Variants in ZNF341 observed in about 807,000 individuals in gnomAD.
The protein encoded by ZNF341 is zinc finger protein 341.
Under a neutral mutation model 87.7 loss-of-function variants are expected in ZNF341, and 52 were observed. That is an observed-to-expected ratio of 0.59 (90% CI 0.47 to 0.75). The LOEUF (loss-of-function observed/expected upper bound fraction) is 0.75. ZNF341 is among the 30% of genes least tolerant of loss of function. ZNF341 has a pLI of 0.00. For synonymous variants in ZNF341, 459 were observed against 472.7 expected, an observed-to-expected ratio of 0.97 and a Z score of 0.38; for missense variants, 977 against 1,145.9, an observed-to-expected ratio of 0.85 and a Z score of 2.13.
chr20:33,734,554 G>A (rs1311998613), intron 1 of ZNF341, among the ~76,000 whole-genome samples: 4 of 152,200 alleles, frequency 2.6e-5, no homozygotes, highest in Non-Finnish European at 5.9e-5. Flanking sequence ...GAAATGGGGA[G>A]TGGGGAGGGG....
At chr20:33,777,098 G>A (rs904084462) in intron 10 of ZNF341, among the ~76,000 whole-genome samples, 1 of 145,112 alleles carries the variant, frequency 6.9e-6, no homozygotes, top group South Asian at 2.2e-4. Flanking sequence ...CAGATTGCTT[G>A]AGCCCAGAAG....
chr20:33,757,318 TA>T lies in ZNF341; in HGVS notation c.915del (p.Gly306ValfsTer84). ...SPATLKTRRA[K>X]GARGLPEAAG... ...CAGCAACGCTGAAGACCCGACGAGC[TA>T]AAGGTGCCAGGGGACTCCCGGAAGG... is the stretch of plus-strand genomic sequence containing the variant. On this transcript the variant is annotated frameshift_variant, in exon 6 of 15. Coordinates refer to ENST00000375200, the MANE Select transcript of ZNF341 (RefSeq NM_001282933.2). LOFTEE classifies it high-confidence loss of function. 1 of 1,576,332 alleles carries T rather than the reference TA, an allele frequency of 6.3e-7. No homozygotes were observed. The highest frequency in any genetic ancestry group is 1.2e-5 in the South Asian group (1 of 86,212).
In ZNF341 at chr20:33,732,013, G is replaced by A. The variant is rs2018570873; in HGVS notation, c.-9G>A. 4 of 1,433,022 alleles carry A rather than the reference G, an allele frequency of 2.8e-6. No individual in the cohort carries two copies. Among genetic ancestry groups the A allele is most frequent in the East Asian group, 6.1e-5 (2 of 32,952 alleles). 88.8% of individuals were successfully genotyped at this position (1,433,022 alleles called of 1,614,324 possible). A position where few individuals can be genotyped will look rare whatever the true frequency, so the allele number is the denominator to read the frequency against. The stretch of plus-strand genomic sequence containing the variant: ...CGGTTCCTGTGGCGGCGACGGCGGC[G>A]GCTCCAAGATGGCGCAGGCGATCTT... On this transcript the variant is annotated 5_prime_UTR_variant, in exon 1 of 15. Coordinates refer to ENST00000375200, the MANE Select transcript of ZNF341 (RefSeq NM_001282933.2). This position sits in a 1 kb window ranked among gnomAD's most constrained non-coding sequence, Gnocchi z 4.5.
chr20:33,770,316 C>T (rs2019504071), intron 10 of ZNF341, 24 bp downstream of exon 10: 7 of 1,565,954 alleles, frequency 4.5e-6, no homozygotes, highest in Non-Finnish European at 6.1e-6. Flanking sequence ...GCTTCCCTCT[C>T]CCTGGGTGGA....
chr20:33,757,156 C>T lies in ZNF341; in HGVS notation c.750C>T (p.Asn250=). 2 of 1,435,602 alleles carry T rather than the reference C, an allele frequency of 1.4e-6. No individual in the cohort carries two copies. The highest frequency in any genetic ancestry group is 1.8e-6 in the Non-Finnish European group (2 of 1,088,530). The allele number at this position is 1,435,602 out of a possible 1,614,324, so 88.9% of individuals were successfully genotyped here. The part of the protein sequence containing the change: ...MQPYPPLEVP[N]QCVEPPVYPT... Reference sequence around the variant, plus strand: ...CTGTGTTGTCCTCCTAGGTGCCAAACCAGTGTGTGGAGCCTCCAGTATATC... The same window carrying T: ...CTGTGTTGTCCTCCTAGGTGCCAAATCAGTGTGTGGAGCCTCCAGTATATC... Residue 250 remains asparagine, a synonymous_variant, in exon 6 of 15, where the codon AAC becomes AAT. Transcript: ENST00000375200.
At chr20:33,755,591 C>CTT (rs1004093201) in intron 5 of ZNF341, among the ~76,000 whole-genome samples, 65 of 118,012 alleles carry the variant, frequency 5.5e-4, no homozygotes, top group African/African-American at 8.4e-4. Context: ...GAGTTGAATT[C>CTT]TTTTTTTTTT....
intron 2 of ZNF341, among the ~76,000 whole-genome samples, chr20:33,744,479 C>T (rs1212556208): frequency 6.6e-6 from 1 of 152,164 alleles, no homozygotes; most frequent in Non-Finnish European, 1.5e-5. Context: ...TAAATTCAGA[C>T]AGGATAAAGG....
chr20:33,764,781 G>C (rs986176740), intron 8 of ZNF341, among the ~76,000 whole-genome samples: 3 of 150,594 alleles, frequency 2.0e-5, no homozygotes, highest in African/African-American at 7.3e-5. Context: ...TACACTTATA[G>C]CACATCTGGA....
At position 33,769,544 on chromosome 20, in the gene ZNF341, A is replaced by G. The variant is rs1296850492; in HGVS notation, c.1414-540A>G. Among the ~76,000 whole-genome samples the G allele has an allele frequency of 2.6e-5, 4 of 152,314 alleles. No individual in the cohort carries two copies. The East Asian group carries it at 5.8e-4, about 22-fold the overall frequency. On this transcript the variant is annotated intron_variant, in intron 9 of 14. Transcript: ENST00000375200. ...TTGAATAATTTTTCTAAATATACCT[A>G]TGCCACACAGAGCCTGAGGGAAGGG...
At chr20:33,744,570 T>C (rs1568934812) in intron 2 of ZNF341, among the ~76,000 whole-genome samples, 4 of 151,010 alleles carry the variant, frequency 2.6e-5, no homozygotes, top group South Asian at 2.1e-4. Context: ...CACATATGGC[T>C]ATCCCTGCAG....
intron 5 of ZNF341, among the ~76,000 whole-genome samples, chr20:33,755,781 A>G (rs2019164605): frequency 1.3e-5 from 2 of 151,520 alleles, no homozygotes. Context: ...TTTTGTGGAG[A>G]TGAGATCTCC....
At chr20:33,766,710 G>A in intron 8 of ZNF341, 141 bp from the exon 9 acceptor site, 2 of 836,640 alleles carry the variant, frequency 2.4e-6, no homozygotes, top group Non-Finnish European at 3.7e-6. Flanking sequence ...CTGAGTGTGA[G>A]TGCAGCACCT....
Position 33,781,408 on chromosome 20 carries a change from T to C in ZNF341, c.1719+21T>C. 3.1e-6 allele frequency: 5 copies of C among 1,607,724 alleles called. No homozygotes were observed. In the South Asian group the frequency reaches 5.5e-5, roughly 18 times the overall value. ...AGAAGGTGGGTGCCACTGTCCTCTT[T>C]TCTGGGGCCTAGGCTATAATAAGGG... is the stretch of plus-strand genomic sequence containing the variant. On this transcript the variant is annotated intron_variant, in intron 11 of 14. Coordinates refer to ENST00000375200, the MANE Select transcript of ZNF341 (RefSeq NM_001282933.2).
At chr20:33,740,423 A>G (rs1045188414) in intron 1 of ZNF341, among the ~76,000 whole-genome samples, 4 of 152,188 alleles carry the variant, frequency 2.6e-5, no homozygotes, top group African/African-American at 9.7e-5. Flanking sequence ...CCATCTTTGC[A>G]GCCCAAAATC....
intron 14 of ZNF341, among the ~76,000 whole-genome samples, chr20:33,790,234 GCT>G (rs1354204347): frequency 6.6e-6 from 1 of 152,072 alleles, no homozygotes; most frequent in Non-Finnish European, 1.5e-5. Context: ...ACCACACCCA[GCT>G]AATTTTTGTA....
chr20:33,782,320 T>C (rs2019762601), intron 11 of ZNF341, among the ~76,000 whole-genome samples: 1 of 152,222 alleles, frequency 6.6e-6, no homozygotes, highest in Non-Finnish European at 1.5e-5. Context: ...CACTGCTCCC[T>C]TTTTTCTTTC....
At chr20:33,741,570 AT>A (rs1389925710) in intron 2 of ZNF341, among the ~76,000 whole-genome samples, 2 of 151,688 alleles carry the variant, frequency 1.3e-5, no homozygotes, top group Non-Finnish European at 2.9e-5. Flanking sequence ...CGCCTGGCTA[AT>A]TTTTTGTATT....
At chr20:33,733,776 A>G (rs2018627448) in intron 1 of ZNF341, among the ~76,000 whole-genome samples, 1 of 152,180 alleles carries the variant, frequency 6.6e-6, no homozygotes, top group South Asian at 2.1e-4. Flanking sequence ...ACTGAGACAG[A>G]CACTCCCTGT....
chr20:33,766,002 C>T (rs2019398672), intron 8 of ZNF341, among the ~76,000 whole-genome samples: 1 of 152,194 alleles, frequency 6.6e-6, no homozygotes, highest in Non-Finnish European at 1.5e-5. Context: ...CCTGCCTCAG[C>T]CTCCCAAGTA....
Sources: allele counts gnomAD v4.1 joint callset (sites outside exome capture counted in the v4.1 genomes callset), GRCh38; gene constraint gnomAD v4.1.1; non-coding constraint Gnocchi (gnomAD v3.1); transcripts MANE v1.5; gene names NCBI Gene and HGNC (gene_info 2026-07-23, HGNC 2026-07-21).